PCDH10: variants seen among roughly 807,000 people sequenced by gnomAD.
The protein encoded by PCDH10 is protocadherin-10.
A neutral mutation model predicts 74.4 loss-of-function variants in PCDH10; 15 were observed. That is an observed-to-expected ratio of 0.20 (90% confidence interval 0.13 to 0.31). PCDH10 has a LOEUF of 0.31. PCDH10 is among the 10% of genes least tolerant of loss of function. The probability of loss-of-function intolerance (pLI) is 1.00; values close to 1 mark genes in which losing one functional copy is unlikely to be tolerated. For missense variants in PCDH10, 1,260 were observed against 1,390.2 expected (o/e 0.91, Z 1.49); for synonymous variants, 619 against 589.8 (o/e 1.05, Z -0.72).
At position 133,154,327 on chromosome 4, in the gene PCDH10, G is replaced by A. The variant is rs1422906671; in HGVS notation, c.2652G>A (p.Glu884=). ...LSNETKHQRA[E]LSYLVDRPRR... ...CCTAGACTAAACACCAGCGAGCAGAGCTCAGCTATCTAGTTGACAGACCTC... is the reference window on the plus strand; with the variant it reads ...CCTAGACTAAACACCAGCGAGCAGAACTCAGCTATCTAGTTGACAGACCTC... The change falls in exon 2 of 5, where the codon GAG becomes GAA. Residue 884 remains glutamate, a synonymous_variant. Transcript: ENST00000264360. 1.2e-6 allele frequency: 2 copies of A among 1,607,542 alleles called. No individual in the cohort carries two copies. Among genetic ancestry groups the A allele is most frequent in the African/African-American group, 2.7e-5 (2 of 74,470 alleles).
At position 133,150,413 on chromosome 4, in the gene PCDH10, T is replaced by C. The variant is rs1288312253; in HGVS notation, c.273T>C (p.Cys91=). ...AAATCTGCAAACAGAGCCCCTCCTG[T>C]GTCCTGCACCTGGAGGTCTTTCTGG... ...REQICKQSPS[C]VLHLEVFLEN... is the part of the protein sequence containing the mutation. Residue 91 remains cysteine (C), a synonymous_variant, in exon 1 of 5, where the codon TGT becomes TGC. Coordinates refer to ENST00000264360, the MANE Select transcript of PCDH10 (RefSeq NM_032961.3). The C allele has an allele frequency of 6.2e-7, 1 of 1,614,020 alleles. No homozygotes were observed. The highest frequency in any genetic ancestry group is 1.7e-5 in the Admixed American group (1 of 60,006).
downstream of PCDH10, among the ~76,000 whole-genome samples, chr4:133,195,031 T>G (rs1727767445): frequency 6.6e-6 from 1 of 151,990 alleles, no homozygotes; most frequent in South Asian, 2.1e-4. Context: ...ATCTATAACT[T>G]TAGAAACACA....
rs1727633156 is a variant in PCDH10 at position 133,190,275 on chromosome 4, A to G, written c.*115A>G. On this transcript the variant is annotated 3_prime_UTR_variant, in exon 5 of 5. Transcript: ENST00000264360. ...TCCAGTTAGTCATGTGTAACTGAGT[A>G]TTAGATTTCGGATGGAGTCATCATG... 4 of 919,250 alleles carry G rather than the reference A, an allele frequency of 4.4e-6. No homozygotes were observed. In the South Asian group the frequency reaches 5.4e-5, roughly 12 times the overall value. The allele number at this position is 919,250 out of a possible 1,614,324, so 56.9% of individuals were successfully genotyped here. A position where few individuals can be genotyped will look rare whatever the true frequency, so the allele number is the denominator to read the frequency against.
Position 133,152,151 on chromosome 4 carries a change from A to G in PCDH10, c.2011A>G (p.Thr671Ala), listed in dbSNP as rs756351452. The G allele has an allele frequency of 6.4e-7, 1 of 1,563,076 alleles. No homozygotes were observed. Among genetic ancestry groups the G allele is most frequent in the Non-Finnish European group, 8.7e-7 (1 of 1,155,536 alleles). The change falls in exon 1 of 5, where the codon ACC (threonine) becomes GCC (alanine). Residue 671 changes from threonine to alanine, a missense_variant. Physicochemically the swap from Thr to Ala is moderately conservative, Grantham distance 58 (BLOSUM62 0). Around this residue, in one of 11 missense-constraint regions of PCDH10, gnomAD observed 587 missense variants for 616.9 expected, o/e 0.95. Coordinates refer to ENST00000264360, the MANE Select transcript of PCDH10 (RefSeq NM_032961.3). ...CCATGGGCAGCCGCCCCTTTCCTCC[A>G]CCGCCACCCTGGTGGTTCAGCTGGT... ...RDHGQPPLSS[T>A]ATLVVQLVDG...
At position 133,175,663 on chromosome 4, in the gene PCDH10, T is replaced by C. The variant is rs1200900171; in HGVS notation, c.3103+12381T>C. On this transcript the variant is annotated intron_variant, in intron 4 of 4. Coordinates refer to ENST00000264360, the MANE Select transcript of PCDH10 (RefSeq NM_032961.3). Reference sequence around the variant, plus strand: ...GTAAAGGGAATTAGATCAACTTACTTGCTAGTGACCACACATGGCCCAATG... The same window carrying C: ...GTAAAGGGAATTAGATCAACTTACTCGCTAGTGACCACACATGGCCCAATG... 3.3e-5 allele frequency among the ~76,000 whole-genome samples: 5 copies of C among 152,256 alleles called. No homozygotes were observed. In the East Asian group the frequency reaches 9.7e-4, roughly 29 times the overall value.
chr4:133,170,689 T>C (rs1244027431), intron 4 of PCDH10, among the ~76,000 whole-genome samples: 2 of 141,526 alleles, frequency 1.4e-5, no homozygotes, highest in East Asian at 4.0e-4. Context: ...AGTGTATTCT[T>C]TTTGTTTTTG....
chr4:133,164,930 G>T (rs1727046227), intron 4 of PCDH10, among the ~76,000 whole-genome samples: 1 of 147,366 alleles, frequency 6.8e-6, no homozygotes, highest in African/African-American at 2.5e-5. Context: ...TTAATTATTT[G>T]CTCATTTTAT....
At chr4:133,169,353 A>G (rs1238856512) in intron 4 of PCDH10, among the ~76,000 whole-genome samples, 1 of 151,884 alleles carries the variant, frequency 6.6e-6, no homozygotes, top group African/African-American at 2.4e-5. Context: ...ATTTAAGGGC[A>G]TATAGAGAAA....
chr4:133,195,166 T>C (rs1022257569), downstream of PCDH10, among the ~76,000 whole-genome samples: 9 of 152,238 alleles, frequency 5.9e-5, no homozygotes, highest in South Asian at 4.1e-4. Context: ...AATCAGAATT[T>C]ACCCTATAGA....
downstream of PCDH10, among the ~76,000 whole-genome samples, chr4:133,198,470 T>C (rs900002098): frequency 1.3e-5 from 2 of 152,180 alleles, no homozygotes; most frequent in Non-Finnish European, 2.9e-5. Context: ...AGAGGTATAT[T>C]AAATTTGATT....
intron 4 of PCDH10, among the ~76,000 whole-genome samples, chr4:133,173,646 C>A (rs575308165): frequency 6.6e-6 from 1 of 151,986 alleles, no homozygotes; most frequent in South Asian, 2.1e-4. Context: ...GGTTTCATTT[C>A]CCTCCCTTCC....
At chr4:133,171,981 A>C (rs574963358) in intron 4 of PCDH10, among the ~76,000 whole-genome samples, 1 of 152,194 alleles carries the variant, frequency 6.6e-6, no homozygotes, top group Admixed American at 6.5e-5. Flanking sequence ...AGAGGACAAT[A>C]TTATACAGAA....
At chr4:133,167,558 T>C (rs904861022) in intron 4 of PCDH10, among the ~76,000 whole-genome samples, 12 of 151,508 alleles carry the variant, frequency 7.9e-5, no homozygotes, top group Non-Finnish European at 1.8e-4. Flanking sequence ...AGGCCTTGCT[T>C]TCATATAGGC....
intron 4 of PCDH10, among the ~76,000 whole-genome samples, chr4:133,184,149 A>G (rs1560714032): frequency 6.6e-6 from 1 of 152,116 alleles, no homozygotes; most frequent in Non-Finnish European, 1.5e-5. Context: ...AAAGACTAAT[A>G]AAGTTTACAT....
chr4:133,177,404 A>G (rs527515425), intron 4 of PCDH10, among the ~76,000 whole-genome samples: 3 of 152,234 alleles, frequency 2.0e-5, no homozygotes, highest in African/African-American at 7.2e-5. Context: ...AAGAAACCCC[A>G]AACTTTAGTT....
chr4:133,150,738 G>C lies in PCDH10; in HGVS notation c.598G>C (p.Val200Leu). Reference protein sequence around the residue: ...DREQQAVHRYVLTAVDGGGGG... With the variant: ...DREQQAVHRYLLTAVDGGGGG... The stretch of plus-strand genomic sequence containing the variant: ...AGAGCAGCAAGCGGTGCACCGCTAC[G>C]TGCTGACCGCGGTGGACGGAGGAGG... The change falls in exon 1 of 5, where the codon GTG becomes CTG. Residue 200 changes from valine (V) to leucine (L), a missense_variant. By Grantham distance (32) the Val-to-Leu change is conservative. This residue lies in a region of PCDH10 where 14 missense variants were observed against 36.5 expected (regional missense o/e 0.38). Transcript: ENST00000264360. 1.2e-6 allele frequency: 2 copies of C among 1,609,684 alleles called. No homozygotes were observed. Among genetic ancestry groups the C allele is most frequent in the Non-Finnish European group, 1.7e-6 (2 of 1,177,892 alleles).
Position 133,193,118 on chromosome 4 carries a change from C to A in PCDH10, c.*2958C>A, listed in dbSNP as rs949038953. ...CTGTGGAAACAGTGTCTTAATGTTT[C>A]AAAGGTATGTCAAAAGACAATTTTT... On this transcript the variant is annotated 3_prime_UTR_variant, in exon 5 of 5. Coordinates refer to ENST00000264360, the MANE Select transcript of PCDH10 (RefSeq NM_032961.3). The A allele has an allele frequency of 6.6e-6, 1 of 151,498 alleles. No homozygotes were observed. The highest frequency in any genetic ancestry group is 2.4e-5 in the African/African-American group (1 of 41,376). The allele number at this position is 151,498 out of a possible 1,614,324, so 9.4% of individuals were successfully genotyped here. A position where few individuals can be genotyped will look rare whatever the true frequency, so the allele number is the denominator to read the frequency against.
At chr4:133,198,004 T>TGTGA (rs1553943328), downstream of PCDH10, among the ~76,000 whole-genome samples, 29 of 147,894 alleles carry the variant, frequency 2.0e-4, no homozygotes, top group African/African-American at 7.2e-4. Flanking sequence ...TGTGTGTGTG[T>TGTGA]GTGATTGGGA....
intron 3 of PCDH10, among the ~76,000 whole-genome samples, chr4:133,157,272 T>C (rs1266591867): frequency 2.6e-5 from 4 of 152,162 alleles, no homozygotes; most frequent in African/African-American, 9.7e-5. Context: ...AATTTTGAAG[T>C]GTTTTCTTTT....
Sources: allele counts gnomAD v4.1 joint callset (sites outside exome capture counted in the v4.1 genomes callset), GRCh38; gene constraint gnomAD v4.1.1; regional missense constraint gnomAD v4.1.1; transcripts MANE v1.5; gene names NCBI Gene and HGNC (gene_info 2026-07-23, HGNC 2026-07-21).